FXYD2: variants seen among roughly 807,000 people sequenced by gnomAD.
FXYD2 encodes sodium/potassium-transporting ATPase subunit gamma.
FXYD2 carries 8 observed loss-of-function variants against 11.8 expected under a neutral mutation model. The ratio of observed to expected loss-of-function variants is 0.68; its 90% confidence interval spans 0.40 to 1.22. The LOEUF is 1.22. Ranked by LOEUF, FXYD2 falls within the 50% of genes most tolerant of loss-of-function variation. The probability of loss-of-function intolerance (pLI) is 0.01; values close to 1 mark genes in which losing one functional copy is unlikely to be tolerated. For missense variants in FXYD2, 92 were observed against 91.8 expected (o/e 1.00, Z -0.01); for synonymous variants, 42 against 33.3 (o/e 1.26, Z -0.90).
intron 3 of FXYD2, chr11:117,821,109 T>G (rs1264430988): frequency 2.0e-6 from 1 of 496,688 alleles, no homozygotes; most frequent in Non-Finnish European, 3.1e-6. Context: ...CAGGCTGGAG[T>G]GCAGTGGTGG....
Position 117,822,163 on chromosome 11 carries a change from G to C in FXYD2, c.139+243C>G. On this transcript the variant is annotated intron_variant, in intron 3 of 5. Coordinates refer to ENST00000292079, the MANE Select transcript of FXYD2 (RefSeq NM_001680.5). This position sits in a 1 kb window ranked among gnomAD's most constrained non-coding sequence, Gnocchi z 4.7. Reference sequence around the variant, plus strand: ...GGTTACCCAGTTACCCCGTGGGTTTGCTCTCACTTCTGCGGCTCCTCCCGG... The same window carrying C: ...GGTTACCCAGTTACCCCGTGGGTTTCCTCTCACTTCTGCGGCTCCTCCCGG... 7 of 1,419,350 alleles carry C rather than the reference G, an allele frequency of 4.9e-6. No individual in the cohort carries two copies. Among genetic ancestry groups the C allele is most frequent in the Non-Finnish European group, 5.5e-6 (6 of 1,086,160 alleles). The allele number at this position is 1,419,350 out of a possible 1,614,324, so 87.9% of individuals were successfully genotyped here.
rs778383106 is a variant in FXYD2 at position 117,820,651 on chromosome 11, G to A, written c.*6+15C>T. 5 of 1,613,560 alleles carry A rather than the reference G, an allele frequency of 3.1e-6. No individual in the cohort carries two copies. The highest frequency in any genetic ancestry group is 4.2e-6 in the Non-Finnish European group (5 of 1,179,724). On this transcript the variant is annotated intron_variant, in intron 5 of 5. Coordinates refer to ENST00000292079, the MANE Select transcript of FXYD2 (RefSeq NM_001680.5). ...CCTGCCCTCCCCGCACCTTCCCCAG[G>A]CCCTCCTAGCATACCTGCTGTTACG... is the stretch of plus-strand genomic sequence containing the variant.
chr11:117,826,230 C>T (rs12291658), upstream of FXYD2, among the ~76,000 whole-genome samples: 3 of 152,160 alleles, frequency 2.0e-5, no homozygotes, highest in Non-Finnish European at 2.9e-5. Context: ...AAAATGGGCA[C>T]GAATGAGTGA....
chr11:117,821,818 C>T (rs1033208518), intron 3 of FXYD2: 39 of 992,880 alleles, frequency 3.9e-5, no homozygotes, highest in Non-Finnish European at 4.6e-5. Flanking sequence ...AAGTCCAGAG[C>T]CCACAGGTGT....
chr11:117,822,636 G>C lies in FXYD2; in HGVS notation c.64+43C>G. On this transcript the variant is annotated intron_variant, in intron 2 of 5. Coordinates refer to ENST00000292079, the MANE Select transcript of FXYD2 (RefSeq NM_001680.5). This position sits in a 1 kb window ranked among gnomAD's most constrained non-coding sequence, Gnocchi z 4.7. ...GGAGAGGCCGCTGCTTGGTGGAAGG[G>C]GTCCTGAGGGCTCAGGAAGGGTGCG... 1 of 1,601,612 alleles carries C rather than the reference G, an allele frequency of 6.2e-7. No individual in the cohort carries two copies. Among genetic ancestry groups the C allele is most frequent in the Non-Finnish European group, 8.5e-7 (1 of 1,175,406 alleles).
chr11:117,822,824 C>CTCTGGG lies in FXYD2; in HGVS notation c.26-108_26-107insCCCAGA. On this transcript the variant is annotated intron_variant, in intron 1 of 5. Coordinates refer to ENST00000292079, the MANE Select transcript of FXYD2 (RefSeq NM_001680.5). The surrounding 1 kb of genome is among the most constrained non-coding windows in gnomAD (Gnocchi z 4.7). ...CCTTCCCAGAGGACCCTCGAGGGTCCAAGCAGGCGAGGGGAGGCTGGGAGC... is the reference window on the plus strand; with the variant it reads ...CCTTCCCAGAGGACCCTCGAGGGTCCTCTGGGAAGCAGGCGAGGGGAGGCTGGGAGC... 6.8e-7 allele frequency: 1 copy of CTCTGGG among 1,460,266 alleles called. No individual in the cohort carries two copies. Among genetic ancestry groups the CTCTGGG allele is most frequent in the Non-Finnish European group, 9.3e-7 (1 of 1,071,156 alleles). The allele number at this position is 1,460,266 out of a possible 1,614,324, so 90.5% of individuals were successfully genotyped here.
chr11:117,823,737 C>T (rs1382782192), intron 1 of FXYD2, among the ~76,000 whole-genome samples: 2 of 152,202 alleles, frequency 1.3e-5, no homozygotes, highest in Admixed American at 6.5e-5. Flanking sequence ...AAGTGGAGCC[C>T]GAGGAGGAAG....
At chr11:117,825,146 T>C (rs916698205), upstream of FXYD2, among the ~76,000 whole-genome samples, 2 of 152,208 alleles carry the variant, frequency 1.3e-5, no homozygotes, top group African/African-American at 4.8e-5. Flanking sequence ...CCGCTGCAGC[T>C]GGTGTTCCTT....
chr11:117,824,591 A>G lies in FXYD2; in HGVS notation c.25+63T>C. ...GAGTAGGGTCCAGCTGACCCCACAA[A>G]GGCAGGCCAATCAGAGCCACCCAGC... On this transcript the variant is annotated intron_variant, in intron 1 of 5. Transcript: ENST00000292079. The surrounding 1 kb of genome is among the most constrained non-coding windows in gnomAD (Gnocchi z 4.0). 2 of 1,367,216 alleles carry G rather than the reference A, an allele frequency of 1.5e-6. No individual in the cohort carries two copies. Among genetic ancestry groups the G allele is most frequent in the Non-Finnish European group, 2.1e-6 (2 of 955,652 alleles). The allele number at this position is 1,367,216 out of a possible 1,614,324, so 84.7% of individuals were successfully genotyped here. A position where few individuals can be genotyped will look rare whatever the true frequency, so the allele number is the denominator to read the frequency against.
intron 3 of FXYD2, chr11:117,821,881 G>T: frequency 1.0e-6 from 1 of 1,001,548 alleles, no homozygotes. Flanking sequence ...TTTTCTTTGG[G>T]TTGGACCAAA....
In FXYD2 at chr11:117,822,652, GAA is replaced by G; in HGVS notation, c.64+25_64+26del. On this transcript the variant is annotated intron_variant, in intron 2 of 5. Coordinates refer to ENST00000292079, the MANE Select transcript of FXYD2 (RefSeq NM_001680.5). The surrounding 1 kb of genome is among the most constrained non-coding windows in gnomAD (Gnocchi z 4.7). ...GGTGGAAGGGGTCCTGAGGGCTCAG[GAA>G]GGGTGCGCAGGGGCCCAGGCTTACC... The G allele has an allele frequency of 6.2e-7, 1 of 1,606,682 alleles. No individual in the cohort carries two copies.
At chr11:117,828,041 G>A (rs2056080484), upstream of FXYD2, 3 of 1,550,506 alleles carry the variant, frequency 1.9e-6, no homozygotes, top group African/African-American at 1.4e-5. Context: ...GTGTCCAGGA[G>A]TGCAGGAGAG....
Position 117,822,182 on chromosome 11 carries a change from C to A in FXYD2, c.139+224G>T, listed in dbSNP as rs754349084. ...GGGTTTGCTCTCACTTCTGCGGCTCCTCCCGGGCCCACTGGAGGGTGCACT... is the reference window on the plus strand; with the variant it reads ...GGGTTTGCTCTCACTTCTGCGGCTCATCCCGGGCCCACTGGAGGGTGCACT... On this transcript the variant is annotated intron_variant, in intron 3 of 5. Transcript: ENST00000292079. This position sits in a 1 kb window ranked among gnomAD's most constrained non-coding sequence, Gnocchi z 4.7. The A allele has an allele frequency of 4.4e-5, 63 of 1,438,272 alleles. No homozygotes were observed. Among genetic ancestry groups the A allele is most frequent in the Non-Finnish European group, 5.1e-5 (56 of 1,095,664 alleles). 89.1% of individuals were successfully genotyped at this position (1,438,272 alleles called of 1,614,324 possible).
At chr11:117,826,774 G>GTCTATCTA (rs763303489), upstream of FXYD2, among the ~76,000 whole-genome samples, 37 of 93,318 alleles carry the variant, frequency 4.0e-4, no homozygotes, top group South Asian at 1.3e-3. Flanking sequence ...CTGTCTGTCT[G>GTCTATCTA]TCTGTCTATC....
At position 117,822,511 on chromosome 11, in the gene FXYD2, T is replaced by C; in HGVS notation, c.65-31A>G. ...GAAAGAGAGGGCAAGAGGAGCGGGATGGGTGGTCTCTCCCAGCAGCTGTCT... is the reference window on the plus strand; with the variant it reads ...GAAAGAGAGGGCAAGAGGAGCGGGACGGGTGGTCTCTCCCAGCAGCTGTCT... On this transcript the variant is annotated intron_variant, in intron 2 of 5. Coordinates refer to ENST00000292079, the MANE Select transcript of FXYD2 (RefSeq NM_001680.5). The surrounding 1 kb of genome is among the most constrained non-coding windows in gnomAD (Gnocchi z 4.7). The C allele has an allele frequency of 6.4e-7, 1 of 1,556,432 alleles. No homozygotes were observed. Among genetic ancestry groups the C allele is most frequent in the Non-Finnish European group, 8.7e-7 (1 of 1,149,366 alleles).
At chr11:117,826,966 A>G (rs913771485), upstream of FXYD2, among the ~76,000 whole-genome samples, 1 of 152,060 alleles carries the variant, frequency 6.6e-6, no homozygotes, top group African/African-American at 2.4e-5. Flanking sequence ...TAACAGTGCC[A>G]GGTAATATTT....
chr11:117,826,011 C>A (rs1388863127), upstream of FXYD2, among the ~76,000 whole-genome samples: 5 of 152,182 alleles, frequency 3.3e-5, no homozygotes, highest in Non-Finnish European at 5.9e-5. Context: ...CCTCAGTCTC[C>A]TCATCTGTAA....
chr11:117,821,480 C>T (rs1461139286), intron 3 of FXYD2: 3 of 986,254 alleles, frequency 3.0e-6, no homozygotes, highest in East Asian at 2.3e-4. Context: ...AGAGTAGCAG[C>T]AGAGACTGGG....
Position 117,822,266 on chromosome 11 carries a change from C to T in FXYD2, c.139+140G>A. ...CGAGCCTGGCACCCCACCGGGCACC[C>T]ATTCCCACATCCTGCAGTGGGGGGC... On this transcript the variant is annotated intron_variant, in intron 3 of 5. Coordinates refer to ENST00000292079, the MANE Select transcript of FXYD2 (RefSeq NM_001680.5). This position sits in a 1 kb window ranked among gnomAD's most constrained non-coding sequence, Gnocchi z 4.7. 6.5e-7 allele frequency: 1 copy of T among 1,530,916 alleles called. No individual in the cohort carries two copies. Among genetic ancestry groups the T allele is most frequent in the South Asian group, 1.2e-5 (1 of 82,902 alleles). 94.8% of individuals were successfully genotyped at this position (1,530,916 alleles called of 1,614,324 possible).
Sources: gnomAD v4.1 joint callset for allele counts (sites outside exome capture counted in the v4.1 genomes callset) on GRCh38, gnomAD v4.1.1 for gene constraint, Gnocchi (gnomAD v3.1) non-coding constraint, MANE v1.5 for transcripts, NCBI Gene and HGNC (gene_info 2026-07-23, HGNC 2026-07-21) for gene names.